The following ATXN2 variants were observed in gnomAD, a reference collection of about 807,000 sequenced individuals.
ATXN2 encodes ataxin-2.
In ATXN2, 37 loss-of-function variants were observed where a neutral mutation model predicts 138.6. The ratio of observed to expected loss-of-function variants is 0.27; its 90% CI spans 0.21 to 0.35. The LOEUF is 0.35. Among genes scored for constraint, ATXN2 ranks in the 10% least tolerant of loss-of-function variants. ATXN2 has a pLI of 1.00. For missense variants in ATXN2, 1,216 were observed against 1,480.3 expected, an observed-to-expected ratio of 0.82 and a Z score of 2.93; for synonymous variants, 549 against 543.7, an observed-to-expected ratio of 1.01 and a Z score of -0.13.
At chr12:111,477,698 C>T (rs1876919638) in intron 18 of ATXN2, among the ~76,000 whole-genome samples, 1 of 152,070 alleles carries the variant, frequency 6.6e-6, no homozygotes, top group East Asian at 1.9e-4. Flanking sequence ...ATATAAATAA[C>T]TTAAAATAAT....
intron 5 of ATXN2, among the ~76,000 whole-genome samples, chr12:111,528,265 C>T (rs1039020315): frequency 6.6e-6 from 1 of 152,146 alleles, no homozygotes; most frequent in African/African-American, 2.4e-5. Flanking sequence ...TTTCTCACTA[C>T]AGGGTATGTG....
upstream of ATXN2, chr12:111,599,322 A>C: frequency 2.9e-6 from 1 of 350,348 alleles, no homozygotes. Context: ...CTCTGCCGGG[A>C]GGGAGGGGGG....
At chr12:111,581,425 T>TC in intron 1 of ATXN2, 2 of 746,566 alleles carry the variant, frequency 2.7e-6, no homozygotes, top group South Asian at 2.7e-5. Flanking sequence ...ACATCGGCCA[T>TC]CCCCCTAACT....
At chr12:111,473,982 T>C (rs113243718) in intron 18 of ATXN2, among the ~76,000 whole-genome samples, 12 of 151,402 alleles carry the variant, frequency 7.9e-5, no homozygotes, top group African/African-American at 3.0e-4. Context: ...CAGTGGCTCA[T>C]GCCTGTAATC....
intron 1 of ATXN2, among the ~76,000 whole-genome samples, chr12:111,588,453 T>C (rs756515149): frequency 4.6e-4 from 70 of 152,036 alleles, no homozygotes; most frequent in Non-Finnish European, 6.0e-4. Context: ...TGAAACCCCA[T>C]CTCTACTAAA....
At chr12:111,530,500 CAT>C (rs1316930251) in intron 5 of ATXN2, among the ~76,000 whole-genome samples, 4 of 152,186 alleles carry the variant, frequency 2.6e-5, no homozygotes, top group Non-Finnish European at 4.4e-5. Context: ...ATGGTTCCAA[CAT>C]AGACTGGAGT....
intron 10 of ATXN2, among the ~76,000 whole-genome samples, chr12:111,513,847 ACTGTAG>A (rs1315810719): frequency 6.6e-6 from 1 of 152,120 alleles, no homozygotes; most frequent in Non-Finnish European, 1.5e-5. Context: ...TCTTAAAAGA[ACTGTAG>A]CAATCTGTTT....
chr12:111,598,975 CTGT>C lies in ATXN2; in HGVS notation c.57_59del (p.Gln28del), dbSNP rs751377502. The C allele has an allele frequency of 1.3e-3, 1,643 of 1,217,944 alleles. 6 individuals are homozygous for C. Among genetic ancestry groups the C allele is most frequent in the African/African-American group, 0.013 (735 of 58,696 alleles). The allele number at this position is 1,217,944 out of a possible 1,614,324, so 75.4% of individuals were successfully genotyped here. A position where few individuals can be genotyped will look rare whatever the true frequency, so the allele number is the denominator to read the frequency against. On this transcript the variant is annotated inframe_deletion, in exon 1 of 25. Coordinates refer to ENST00000673436, the MANE Select transcript of ATXN2 (RefSeq NM_001372574.1). This position sits in a 1 kb window ranked among gnomAD's most constrained non-coding sequence, Gnocchi z 4.5. Reference sequence around the variant, plus strand: ...GCTGCTGCTGCTGCTGCTGCTGCTGCTGTTGCTGCTGCTGCTGCTGCTGCTGCT... The same window carrying C: ...GCTGCTGCTGCTGCTGCTGCTGCTGCTGCTGCTGCTGCTGCTGCTGCTGCT...
At chr12:111,572,302 G>C (rs983059451) in intron 1 of ATXN2, among the ~76,000 whole-genome samples, 3 of 151,806 alleles carry the variant, frequency 2.0e-5, no homozygotes, top group African/African-American at 7.3e-5. Flanking sequence ...TTGAGAGGCT[G>C]AGGCAGGAGA....
chr12:111,461,709 C>T (rs373752082), intron 21 of ATXN2, among the ~76,000 whole-genome samples: 194 of 151,576 alleles, frequency 1.3e-3, no homozygotes, highest in African/African-American at 4.5e-3. Context: ...ATCACGAGGT[C>T]AGGAGTTCAA....
intron 5 of ATXN2, among the ~76,000 whole-genome samples, chr12:111,538,077 C>G (rs1169277047): frequency 6.7e-6 from 1 of 150,328 alleles, no homozygotes; most frequent in Non-Finnish European, 1.5e-5. Context: ...GCCTGGACAA[C>G]AAAATGAGAC....
chr12:111,524,622 TAAAG>T (rs1191323255), intron 6 of ATXN2, among the ~76,000 whole-genome samples: 1 of 152,080 alleles, frequency 6.6e-6, no homozygotes, highest in East Asian at 1.9e-4. Context: ...GATAATGCAT[TAAAG>T]AGAGAAACAA....
chr12:111,597,752 T>C (rs193255113), intron 1 of ATXN2: 79 of 862,536 alleles, frequency 9.2e-5, no homozygotes, highest in Non-Finnish European at 1.2e-4. Flanking sequence ...CACCCGCCTT[T>C]CTGCCTTCAG....
In ATXN2 at chr12:111,486,803, C is replaced by T. The variant is rs1877673545; in HGVS notation, c.2262G>A (p.Leu754=). ...GGTTGAACTCCTTTGCATTGGGATT[C>T]AATGTTGATTTCCTAACTTGCCTAA... ...DAAEQVRKST[L]NPNAKEFNPR... The change falls in exon 16 of 25, where the codon TTG becomes TTA. Residue 754 remains leucine, a synonymous_variant. Coordinates refer to ENST00000673436, the MANE Select transcript of ATXN2 (RefSeq NM_001372574.1). 3.7e-6 allele frequency: 6 copies of T among 1,612,892 alleles called. No homozygotes were observed. The East Asian group carries it at 1.3e-4, about 36-fold the overall frequency.
rs1303302860 is a variant in ATXN2, at chr12:111,471,856, TTTG to T, written c.2525-1117_2525-1115del. 2.0e-5 allele frequency: 3 copies of T among 152,256 alleles called. No homozygotes were observed. In the East Asian group the frequency reaches 5.8e-4, roughly 29 times the overall value. 9.4% of individuals were successfully genotyped at this position (152,256 alleles called of 1,614,324 possible). On this transcript the variant is annotated intron_variant, in intron 18 of 24. Coordinates refer to ENST00000673436, the MANE Select transcript of ATXN2 (RefSeq NM_001372574.1). Reference sequence around the variant, plus strand: ...AGCTTAAACTATTCACTATTATTACTTTGTTACTTATTACCTTCCTGTATATTT... The same window carrying T: ...AGCTTAAACTATTCACTATTATTACTTTACTTATTACCTTCCTGTATATTT...
chr12:111,480,127 T>C (rs185737930), intron 18 of ATXN2, among the ~76,000 whole-genome samples: 8 of 152,070 alleles, frequency 5.3e-5, no homozygotes, highest in Admixed American at 2.6e-4. Flanking sequence ...AAAGTACAGT[T>C]GGACAGAGAA....
intron 2 of ATXN2, 106 bp from the exon 3 acceptor site, chr12:111,554,323 G>A (rs1337400161): frequency 1.7e-5 from 12 of 706,098 alleles, no homozygotes; most frequent in East Asian, 6.7e-5. Flanking sequence ...GATTTTTTTC[G>A]GATTTGGGGA....
rs1881436320 is a variant in ATXN2, at chr12:111,540,499, A to G, written c.571+11781T>C. ...ACCATTCAGCGCAAGCTGATAGACA[A>G]TCATATTCCACTGCTTTAAAACTGA... is the stretch of plus-strand genomic sequence containing the variant. On this transcript the variant is annotated intron_variant, in intron 5 of 24. Transcript: ENST00000673436. Among the ~76,000 whole-genome samples, 2 of 150,704 alleles carry G rather than the reference A, an allele frequency of 1.3e-5. 1 individual carries two copies.
intron 14 of ATXN2, among the ~76,000 whole-genome samples, chr12:111,495,136 T>C (rs1566023967): frequency 6.6e-6 from 1 of 151,888 alleles, no homozygotes. Flanking sequence ...TGAAACCCCA[T>C]CTCTACTGAA....
Sources: gnomAD v4.1 joint callset for allele counts (sites outside exome capture counted in the v4.1 genomes callset) on GRCh38, gnomAD v4.1.1 for gene constraint, Gnocchi (gnomAD v3.1) non-coding constraint, MANE v1.5 for transcripts, NCBI Gene and HGNC (gene_info 2026-07-23, HGNC 2026-07-21) for gene names.